Variants in TF observed in about 807,000 individuals in gnomAD.
TF encodes the protein serotransferrin.
Under a neutral mutation model 82.4 loss-of-function variants are expected in TF, and 55 were observed. That is an observed-to-expected ratio of 0.67 (90% CI 0.54 to 0.84). TF has a LOEUF of 0.84. Ranked by LOEUF, TF falls within the 40% of genes least tolerant of loss-of-function variation. TF has a pLI of 0.00. For synonymous variants in TF, 332 were observed against 332.6 expected, an observed-to-expected ratio of 1.00 and a Z score of 0.02; for missense variants, 737 against 868.4, an observed-to-expected ratio of 0.85 and a Z score of 1.90.
At chr3:133,668,145 T>C in the TF span, among the ~76,000 whole-genome samples, 3 of 152,246 alleles carry the variant, frequency 2.0e-5, no homozygotes, top group Non-Finnish European at 4.4e-5. Flanking sequence ...CACGTGAAAC[T>C]GACTGGAACC....
At chr3:133,677,904 G>A in the TF span, among the ~76,000 whole-genome samples, 100 of 151,978 alleles carry the variant, frequency 6.6e-4, no homozygotes, top group Admixed American at 2.2e-3. Flanking sequence ...ATACAAGTGC[G>A]GAACATGCAG....
chr3:133,780,816 C>T lies in TF; in HGVS notation c.*2196C>T, dbSNP rs1934500287. The stretch of plus-strand genomic sequence containing the variant: ...TCACCTGAGGTCAGGAGTTCAAGAC[C>T]AGCCTGGCCAACATGGCGAAACCCC... On this transcript the variant is annotated 3_prime_UTR_variant, in exon 17 of 17. Coordinates refer to ENST00000402696, the MANE Select transcript of TF (RefSeq NM_001063.4). 1 of 151,962 alleles carries T rather than the reference C, an allele frequency of 6.6e-6. No individual in the cohort carries two copies. The highest frequency in any genetic ancestry group is 1.5e-5 in the Non-Finnish European group (1 of 68,034). The allele number at this position is 151,962 out of a possible 1,614,324, so 9.4% of individuals were successfully genotyped here.
At chr3:133,717,586 C>T in the TF span, among the ~76,000 whole-genome samples, 1 of 152,120 alleles carries the variant, frequency 6.6e-6, no homozygotes, top group African/African-American at 2.4e-5. Context: ...ATAGTGTATT[C>T]GTCCCAATGC....
At chr3:133,771,096 A>G (rs948968794) in intron 14 of TF, 1 of 162,104 alleles carries the variant, frequency 6.2e-6, no homozygotes, top group African/African-American at 2.4e-5. Flanking sequence ...CTTCTTTACT[A>G]AAAGGAACCA....
rs1338966255 is a variant in TF at position 133,786,510 on chromosome 3, G to A, written c.*7890G>A. Reference sequence around the variant, plus strand: ...AGGTTAACCATTGTCTCATGCCTGGGCATTTTGTTTTACTTATCTGGGTAT... The same window carrying A: ...AGGTTAACCATTGTCTCATGCCTGGACATTTTGTTTTACTTATCTGGGTAT... On this transcript the variant is annotated 3_prime_UTR_variant, in exon 17 of 17. Transcript: ENST00000402696. 2.0e-5 allele frequency: 3 copies of A among 152,164 alleles called. No individual in the cohort carries two copies. Among genetic ancestry groups the A allele is most frequent in the Admixed American group, 6.5e-5 (1 of 15,284 alleles). The allele number at this position is 152,164 out of a possible 1,614,324, so 9.4% of individuals were successfully genotyped here. A position where few individuals can be genotyped will look rare whatever the true frequency, so the allele number is the denominator to read the frequency against.
the TF span, among the ~76,000 whole-genome samples, chr3:133,686,355 A>G: frequency 1.3e-5 from 2 of 152,228 alleles, no homozygotes; most frequent in Non-Finnish European, 2.9e-5. Context: ...AATGGGATCT[A>G]ATTAAACTAA....
chr3:133,662,043 C>A, the TF span: 1 of 152,286 alleles, frequency 6.6e-6, no homozygotes, highest in African/African-American at 2.4e-5. Context: ...GGTGAGCAGT[C>A]TGTGGGCGGT....
chr3:133,694,859 T>A, the TF span, among the ~76,000 whole-genome samples: 1 of 59,524 alleles, frequency 1.7e-5, no homozygotes, highest in African/African-American at 7.2e-5. Context: ...GTTTTATTTA[T>A]TTATTTATTT....
At chr3:133,675,867 G>T in the TF span, among the ~76,000 whole-genome samples, 13 of 152,258 alleles carry the variant, frequency 8.5e-5, no homozygotes, top group South Asian at 2.7e-3. Context: ...TTGAGGAGTT[G>T]CCACAGAGAC....
chr3:133,719,613 T>C, the TF span, among the ~76,000 whole-genome samples: 91 of 152,312 alleles, frequency 6.0e-4, 1 homozygote, highest in Admixed American at 2.5e-3. Context: ...AGTGATTCCA[T>C]ATAAATTTTA....
chr3:133,669,888 T>C, the TF span, among the ~76,000 whole-genome samples: 8 of 152,244 alleles, frequency 5.3e-5, no homozygotes, highest in African/African-American at 1.9e-4. Context: ...TATATTAGAA[T>C]GTTGGGCAAG....
At position 133,754,661 on chromosome 3, in the gene TF, T is replaced by C. The variant is rs557564745; in HGVS notation, c.492T>C (p.Pro164=). 14 of 1,614,142 alleles carry C rather than the reference T, an allele frequency of 8.7e-6. No individual in the cohort carries two copies. In the African/African-American group the frequency reaches 1.7e-4, roughly 20 times the overall value. ...GTGACTTACCTGAGCCACGTAAACC[T>C]CTTGAGAAAGGTAAGCTGGCAGGAG... The part of the protein sequence containing the change: ...LYCDLPEPRK[P]LEKAVANFFS... The change falls in exon 4 of 17, where the codon CCT becomes CCC. Residue 164 remains proline, a synonymous_variant. Coordinates refer to ENST00000402696, the MANE Select transcript of TF (RefSeq NM_001063.4).
the TF span, among the ~76,000 whole-genome samples, chr3:133,701,548 C>T: frequency 6.6e-5 from 10 of 152,290 alleles, 1 homozygote; most frequent in East Asian, 1.9e-4. Flanking sequence ...AGCAAAGACA[C>T]TGGGTGAGGG....
chr3:133,689,666 A>T, the TF span, among the ~76,000 whole-genome samples: 3 of 152,366 alleles, frequency 2.0e-5, no homozygotes, highest in South Asian at 2.1e-4. Flanking sequence ...TACACAGGAC[A>T]GGATACTGGC....
At chr3:133,770,408 T>C in intron 13 of TF, 100 bp from the exon 14 acceptor site, 1 of 1,101,388 alleles carries the variant, frequency 9.1e-7, no homozygotes, top group Non-Finnish European at 1.4e-6. Flanking sequence ...CAGTTGCTGT[T>C]TTCAGATGGC....
chr3:133,746,249 G>C, upstream of TF: 1 of 662,908 alleles, frequency 1.5e-6, no homozygotes, highest in South Asian at 1.7e-5. Context: ...CAGAAAATGA[G>C]GTGATCAGTG....
At chr3:133,761,997 G>A (rs1427219231) in intron 9 of TF, 2 of 162,810 alleles carry the variant, frequency 1.2e-5, no homozygotes, top group East Asian at 3.7e-4. Context: ...TGGCTAAAAT[G>A]TGACAATGGG....
At chr3:133,769,846 C>T (rs1237377879) in intron 13 of TF, among the ~76,000 whole-genome samples, 1 of 152,156 alleles carries the variant, frequency 6.6e-6, no homozygotes, top group East Asian at 1.9e-4. Context: ...AATTAGAACC[C>T]TACTAACCAG....
rs1451782596 is a variant in TF at position 133,791,892 on chromosome 3, C to G, written c.*13272C>G. ...TTAATTAGCTTAATAATAATAAGAG[C>G]TTAAATCAAATATTTTATCAGAAAA... On this transcript the variant is annotated 3_prime_UTR_variant, in exon 17 of 17. Transcript: ENST00000402696. 1 of 152,122 alleles carries G rather than the reference C, an allele frequency of 6.6e-6. No individual in the cohort carries two copies. Among genetic ancestry groups the G allele is most frequent in the Non-Finnish European group, 1.5e-5 (1 of 68,018 alleles). The allele number at this position is 152,122 out of a possible 1,614,324, so 9.4% of individuals were successfully genotyped here. A position where few individuals can be genotyped will look rare whatever the true frequency, so the allele number is the denominator to read the frequency against.
Sources: gnomAD v4.1 joint callset for allele counts (sites outside exome capture counted in the v4.1 genomes callset) on GRCh38, gnomAD v4.1.1 for gene constraint, MANE v1.5 for transcripts, NCBI Gene and HGNC (gene_info 2026-07-23, HGNC 2026-07-21) for gene names.